The following SEPTIN10 variants were observed in gnomAD, a reference collection of about 807,000 sequenced individuals.
SEPTIN10 encodes the protein septin-10.
Under a neutral mutation model 54.8 loss-of-function variants are expected in SEPTIN10, and 66 were observed. That is an observed-to-expected ratio of 1.21 (90% CI 0.99 to 1.48). The LOEUF is 1.48. SEPTIN10 is among the 40% of genes most tolerant of loss of function. The pLI is 0.00. For synonymous variants in SEPTIN10, 161 were observed against 181.0 expected (o/e 0.89, Z 0.89); for missense variants, 620 against 545.6 (o/e 1.14, Z -1.36).
Position 109,585,726 on chromosome 2 carries a change from C to G in SEPTIN10, c.212G>C (p.Cys71Ser), listed in dbSNP as rs369040281. 4 of 1,610,266 alleles carry G rather than the reference C, an allele frequency of 2.5e-6. No individual in the cohort carries two copies. The African/African-American group carries it at 4.0e-5, about 16-fold the overall frequency. Reference sequence around the variant, plus strand: ...GAAGAGTAGGTGGCACGTACCCACACAGAGAATATTAAAGCAGAAACCTTG... The same window carrying G: ...GAAGAGTAGGTGGCACGTACCCACAGAGAGAATATTAAAGCAGAAACCTTG... ...IQQGFCFNIL[C>S]VGETGIGKST... The change falls in exon 3 of 11, where the codon TGT (cysteine) becomes TCT (serine). Residue 71 changes from cysteine to serine, a missense_variant. Physicochemically the swap from Cys to Ser is moderately radical, Grantham distance 112. Coordinates refer to ENST00000397712, the MANE Select transcript of SEPTIN10 (RefSeq NM_144710.5).
chr2:109,602,176 T>TGA (rs1696738187), intron 1 of SEPTIN10, among the ~76,000 whole-genome samples: 1 of 152,182 alleles, frequency 6.6e-6, no homozygotes, highest in Non-Finnish European at 1.5e-5. Context: ...GTAACAATTT[T>TGA]CTAAGATCCC....
At position 109,585,329 on chromosome 2, in the gene SEPTIN10, A is replaced by C. The variant is rs751597064; in HGVS notation, c.218-8T>G. On this transcript the variant is annotated splice_polypyrimidine_tract_variant and splice_region_variant and intron_variant, in intron 3 of 10. Transcript: ENST00000397712. ...TTCCAATTCCAGTTTCCCCTGAAAC[A>C]CACAAAGGTACATCTTTATGGTTGC... The C allele has an allele frequency of 5.7e-6, 9 of 1,588,526 alleles. No homozygotes were observed. The highest frequency in any genetic ancestry group is 7.7e-6 in the Non-Finnish European group (9 of 1,165,790).
At chr2:109,559,933 T>C (rs1302081793) in intron 8 of SEPTIN10, among the ~76,000 whole-genome samples, 1 of 138,758 alleles carries the variant, frequency 7.2e-6, no homozygotes, top group Admixed American at 7.6e-5. Flanking sequence ...TTTTTTTTTG[T>C]CTTTTAAGAT....
intron 4 of SEPTIN10, among the ~76,000 whole-genome samples, chr2:109,576,383 G>A (rs764973006): frequency 3.3e-5 from 5 of 151,978 alleles, no homozygotes; most frequent in Non-Finnish European, 7.4e-5. Context: ...ACAGGCGTGA[G>A]CCACCACACC....
At chr2:109,602,438 G>T (rs1696804939) in intron 1 of SEPTIN10, among the ~76,000 whole-genome samples, 1 of 152,126 alleles carries the variant, frequency 6.6e-6, no homozygotes, top group Non-Finnish European at 1.5e-5. Context: ...CACCTTGGGA[G>T]GCCAAGGCGG....
At chr2:109,550,056 C>T (rs780855372) in intron 9 of SEPTIN10, among the ~76,000 whole-genome samples, 3 of 151,748 alleles carry the variant, frequency 2.0e-5, no homozygotes, top group Non-Finnish European at 4.4e-5. Context: ...TTTGGGAGGC[C>T]GAGGCAGGCG....
rs754620140 is a variant in SEPTIN10, at chr2:109,585,747, C to T, written c.191G>A (p.Gly64Asp). 2 of 1,613,296 alleles carry T rather than the reference C, an allele frequency of 1.2e-6. No individual in the cohort carries two copies. The highest frequency in any genetic ancestry group is 2.2e-5 in the South Asian group (2 of 91,056). ...DQLVNRSIQQ[G>D]FCFNILCVGE... ...CACACAGAGAATATTAAAGCAGAAA[C>T]CTTGCTGAATGGATCTGTTCACCAG... is the stretch of plus-strand genomic sequence containing the variant. Residue 64 changes from glycine (G) to aspartate (D), a missense_variant, in exon 3 of 11, where the codon GGT becomes GAT. Physicochemically the swap from Gly to Asp is moderately conservative, Grantham distance 94. Coordinates refer to ENST00000397712, the MANE Select transcript of SEPTIN10 (RefSeq NM_144710.5).
At chr2:109,600,195 C>T (rs900130587) in intron 1 of SEPTIN10, among the ~76,000 whole-genome samples, 2 of 152,106 alleles carry the variant, frequency 1.3e-5, no homozygotes, top group Non-Finnish European at 2.9e-5. Context: ...CTCAATTGGG[C>T]TTCCTCCCTT....
Position 109,545,870 on chromosome 2 carries a change from G to C in SEPTIN10, c.1349+180C>G, listed in dbSNP as rs542173222. 37 of 1,445,630 alleles carry C rather than the reference G, an allele frequency of 2.6e-5. 2 individuals carry two copies. Among genetic ancestry groups the C allele is most frequent in the African/African-American group, 2.5e-4 (18 of 70,656 alleles). 89.6% of individuals were successfully genotyped at this position (1,445,630 alleles called of 1,614,324 possible). A position where few individuals can be genotyped will look rare whatever the true frequency, so the allele number is the denominator to read the frequency against. On this transcript the variant is annotated intron_variant, in intron 10 of 10. Coordinates refer to ENST00000397712, the MANE Select transcript of SEPTIN10 (RefSeq NM_144710.5). ...ATAACATGTGCCAGGTGCTGTTCTGGATGCTGGGGAAACAGCAGTGAACAA... is the reference window on the plus strand; with the variant it reads ...ATAACATGTGCCAGGTGCTGTTCTGCATGCTGGGGAAACAGCAGTGAACAA...
At chr2:109,594,725 A>C (rs982749668) in intron 1 of SEPTIN10, 2 of 152,268 alleles carry the variant, frequency 1.3e-5, no homozygotes, top group African/African-American at 4.8e-5. Context: ...ACGCATGCGC[A>C]TGCACACACG....
chr2:109,558,971 C>T (rs1034101333), intron 8 of SEPTIN10, among the ~76,000 whole-genome samples: 2 of 152,036 alleles, frequency 1.3e-5, no homozygotes, highest in African/African-American at 2.4e-5. Context: ...CTGCAGCCTC[C>T]ACCTCCTGGG....
chr2:109,593,241 T>A, intron 1 of SEPTIN10, 122 bp from the exon 2 acceptor site: 2 of 552,768 alleles, frequency 3.6e-6, no homozygotes. Context: ...CAAGTTTTGA[T>A]GTGTAGTCTA....
Position 109,546,153 on chromosome 2 carries a change from C to T in SEPTIN10, c.1246G>A (p.Glu416Lys). 1 of 1,611,646 alleles carries T rather than the reference C, an allele frequency of 6.2e-7. No homozygotes were observed. The highest frequency in any genetic ancestry group is 8.5e-7 in the Non-Finnish European group (1 of 1,179,030). Reference protein sequence around the residue: ...LEEKRRLLEEEIIAFSKKKAT... With the variant: ...LEEKRRLLEEKIIAFSKKKAT... ...TTCTTTTTAGAGAAAGCAATTATTT[C>T]TTCTTCCAAAAGTCTTCTCTTTTCT... Residue 416 changes from glutamate to lysine, a missense_variant, in exon 10 of 11, where the codon GAA (glutamate) becomes AAA (lysine). Transcript: ENST00000397712.
At chr2:109,574,447 A>T (rs1273480334) in intron 5 of SEPTIN10, 134 bp downstream of exon 5, 27 of 430,126 alleles carry the variant, frequency 6.3e-5, no homozygotes, top group African/African-American at 4.4e-4. Context: ...TATCTCTAAA[A>T]AAAAAAAAAA....
rs770699050 is a variant in SEPTIN10 at position 109,585,125 on chromosome 2, C to A, written c.413+1G>T. ...TTTTATTACAAGAAGAAAACACATA[C>A]CTCTCTTCTTTATTTATTTGGTCAC... is the stretch of plus-strand genomic sequence containing the variant. On this transcript the variant is annotated splice_donor_variant, in intron 4 of 10. Coordinates refer to ENST00000397712, the MANE Select transcript of SEPTIN10 (RefSeq NM_144710.5). LOFTEE classifies it high-confidence loss of function. The A allele has an allele frequency of 3.9e-6, 6 of 1,550,282 alleles. No individual in the cohort carries two copies. Among genetic ancestry groups the A allele is most frequent in the Non-Finnish European group, 5.2e-6 (6 of 1,146,188 alleles).
chr2:109,607,771 A>G (rs1157347679), intron 1 of SEPTIN10, among the ~76,000 whole-genome samples: 2 of 152,158 alleles, frequency 1.3e-5, no homozygotes, highest in African/African-American at 4.8e-5. Flanking sequence ...GCCCTAAATC[A>G]AAACTACCTA....
chr2:109,610,533 G>T (rs1367108969), intron 1 of SEPTIN10, among the ~76,000 whole-genome samples: 2 of 152,120 alleles, frequency 1.3e-5, no homozygotes, highest in Non-Finnish European at 2.9e-5. Flanking sequence ...TGACCAACAT[G>T]GAGAAACCCT....
intron 1 of SEPTIN10, among the ~76,000 whole-genome samples, chr2:109,604,019 G>A (rs1428686545): frequency 2.0e-5 from 3 of 151,710 alleles, no homozygotes; most frequent in South Asian, 2.1e-4. Context: ...AAAATTAGCC[G>A]GGCATAGTGG....
intron 10 of SEPTIN10, 88 bp downstream of exon 10, chr2:109,545,962 A>G: frequency 6.7e-7 from 1 of 1,486,678 alleles, no homozygotes; most frequent in Non-Finnish European, 9.0e-7. Context: ...AGCATAAGGA[A>G]GCAGAAGTAA....
Sources: gnomAD v4.1 joint callset for allele counts (sites outside exome capture counted in the v4.1 genomes callset) on GRCh38, gnomAD v4.1.1 for gene constraint, MANE v1.5 for transcripts, NCBI Gene and HGNC (gene_info 2026-07-23, HGNC 2026-07-21) for gene names.